The following FAT1 variants were observed in gnomAD, a reference collection of about 807,000 sequenced individuals.
FAT1 encodes the protein protocadherin Fat 1.
Under a neutral mutation model 329.8 loss-of-function variants are expected in FAT1, and 171 were observed. The observed-to-expected ratio is 0.52, with a 90% confidence interval of 0.46 to 0.59. The LOEUF is 0.59. Among genes scored for constraint, FAT1 ranks in the 20% least tolerant of loss-of-function variants. The pLI is 0.00. For missense variants in FAT1, 5,672 were observed against 5,774.4 expected (o/e 0.98, Z 0.57); for synonymous variants, 2,233 against 2,228.6 (o/e 1.00, Z -0.06).
intron 15 of FAT1, among the ~76,000 whole-genome samples, chr4:186,609,588 T>G (rs1739304221): frequency 6.6e-6 from 1 of 152,136 alleles, no homozygotes; most frequent in Admixed American, 6.5e-5. Context: ...GGCTAATTTT[T>G]TTTTGTATTT....
rs747913084 is a variant in FAT1, at chr4:186,636,125, T to C, written c.4083A>G (p.Ser1361=). 2.0e-5 allele frequency: 33 copies of C among 1,613,846 alleles called. No individual in the cohort carries two copies. In the African/African-American group the frequency reaches 4.1e-4, roughly 20 times the overall value. ...TTTCCATCACAGTAAAGGTAAAAAA[T>C]GATTCTTCAAATGAAATGGGCTCCA... The part of the protein sequence containing the change: ...PSLEPISFEE[S]FFTFTVMESD... Residue 1361 remains serine (S), a synonymous_variant, in exon 6 of 27, where the codon TCA becomes TCG. Coordinates refer to ENST00000441802, the MANE Select transcript of FAT1 (RefSeq NM_005245.4).
chr4:186,716,815 G>T (rs1264433578), intron 1 of FAT1, among the ~76,000 whole-genome samples: 3 of 152,166 alleles, frequency 2.0e-5, no homozygotes, highest in Non-Finnish European at 2.9e-5. Flanking sequence ...AGACAGTCTT[G>T]TTCTGTCACC....
At chr4:186,651,359 C>G (rs1284200652) in intron 3 of FAT1, among the ~76,000 whole-genome samples, 1 of 152,076 alleles carries the variant, frequency 6.6e-6, no homozygotes, top group Admixed American at 6.5e-5. Flanking sequence ...GATCATGGCA[C>G]AGTCCTGAGA....
chr4:186,676,772 G>C (rs769673212), intron 2 of FAT1, among the ~76,000 whole-genome samples: 68 of 152,316 alleles, frequency 4.5e-4, no homozygotes, highest in African/African-American at 1.5e-3. Flanking sequence ...TGGAGTCCTA[G>C]AATGCACACA....
chr4:186,663,094 C>T (rs1742258391), intron 3 of FAT1, among the ~76,000 whole-genome samples: 1 of 152,278 alleles, frequency 6.6e-6, no homozygotes, highest in Admixed American at 6.5e-5. Flanking sequence ...CCTCGGCCTC[C>T]CAAAGTGCTG....
At chr4:186,630,441 G>A (rs1450776109) in intron 7 of FAT1, among the ~76,000 whole-genome samples, 2 of 152,122 alleles carry the variant, frequency 1.3e-5, no homozygotes, top group East Asian at 1.9e-4. Flanking sequence ...AGTCAAATAC[G>A]CAGAGCCTCG....
At chr4:186,719,015 G>C (rs1325176135) in intron 1 of FAT1, among the ~76,000 whole-genome samples, 1 of 152,122 alleles carries the variant, frequency 6.6e-6, no homozygotes, top group East Asian at 1.9e-4. Flanking sequence ...CCAAAACAAA[G>C]AGGCAATCCA....
rs28489116 is a variant in FAT1 at position 186,621,601 on chromosome 4, T to C, written c.4985A>G (p.Asn1662Ser). The C allele has an allele frequency of 0.13, 210,742 of 1,613,866 alleles. 15,952 individuals are homozygous for C. Among genetic ancestry groups the C allele is most frequent in the East Asian group, 0.39 (17,453 of 44,868 alleles). The change falls in exon 10 of 27, where the codon AAC becomes AGC. Residue 1662 changes from asparagine to serine, a missense_variant. Coordinates refer to ENST00000441802, the MANE Select transcript of FAT1 (RefSeq NM_005245.4). ...TTTTGATGTAAACTTCGGAGAGGCG[T>C]TGTCAGCAATTGTGACAAAGATACG... The part of the protein sequence containing the change: ...SVRIFVTIAD[N>S]ASPKFTSKEY...
intron 2 of FAT1, among the ~76,000 whole-genome samples, chr4:186,693,371 A>AGGTTTTGGGATGGT (rs1272742742): frequency 2.9e-5 from 3 of 104,278 alleles, no homozygotes; most frequent in African/African-American, 4.3e-5. Context: ...CTGTGGCTGG[A>AGGTTTTGGGATGGT]TGAACGAACT....
intron 4 of FAT1, among the ~76,000 whole-genome samples, chr4:186,638,231 T>C (rs903332745): frequency 2.6e-5 from 4 of 152,226 alleles, no homozygotes; most frequent in Non-Finnish European, 5.9e-5. Context: ...CCCATCCATG[T>C]CCAAATATGA....
intron 3 of FAT1, among the ~76,000 whole-genome samples, chr4:186,656,917 AG>A (rs1741928659): frequency 6.6e-6 from 1 of 152,194 alleles, no homozygotes; most frequent in Admixed American, 6.5e-5. Flanking sequence ...CTGATTTAAA[AG>A]CAATAGCTGA....
At chr4:186,721,417 T>G (rs1057194003) in intron 1 of FAT1, among the ~76,000 whole-genome samples, 7 of 152,226 alleles carry the variant, frequency 4.6e-5, no homozygotes, top group South Asian at 2.1e-4. Context: ...AATAAGCACT[T>G]GCAAACTGAA....
chr4:186,709,732 C>A lies in FAT1; in HGVS notation c.96G>T (p.Leu32=), dbSNP rs2126706325. 1 of 1,613,874 alleles carries A rather than the reference C, an allele frequency of 6.2e-7. No individual in the cohort carries two copies. The highest frequency in any genetic ancestry group is 1.1e-5 in the South Asian group (1 of 91,036). The change falls in exon 2 of 27, where the codon CTG becomes CTT. Residue 32 remains leucine (L), a synonymous_variant. Coordinates refer to ENST00000441802, the MANE Select transcript of FAT1 (RefSeq NM_005245.4). ...DGSQRLEQTP[L]QFTHLEYNVT... ...CGTTGTACTCGAGGTGTGTAAACTG[C>A]AGAGGAGTCTGTTCAAGTCGTTGGC...
At chr4:186,638,073 A>T (rs1284079575) in intron 4 of FAT1, among the ~76,000 whole-genome samples, 1 of 150,164 alleles carries the variant, frequency 6.7e-6, no homozygotes, top group Non-Finnish European at 1.5e-5. Context: ...TTCAAGAACC[A>T]GTAGCTAGTC....
intron 16 of FAT1, among the ~76,000 whole-genome samples, chr4:186,607,911 T>A (rs867980143): frequency 1.4e-5 from 2 of 143,016 alleles, no homozygotes; most frequent in Admixed American, 6.9e-5. Flanking sequence ...GCAAGTACCA[T>A]ATCTACACTT....
intron 26 of FAT1, 76 bp downstream of exon 26, chr4:186,595,613 T>C (rs1738460964): frequency 5.3e-6 from 8 of 1,522,014 alleles, no homozygotes; most frequent in Non-Finnish European, 2.7e-6. Context: ...GGGTAGATAG[T>C]GCGTCTACAT....
intron 1 of FAT1, among the ~76,000 whole-genome samples, chr4:186,716,621 T>C (rs1170334479): frequency 6.6e-6 from 1 of 152,216 alleles, no homozygotes; most frequent in East Asian, 1.9e-4. Flanking sequence ...TTTCACCATG[T>C]TGCCCAGGCT....
chr4:186,602,377 G>C (rs1738854376), intron 20 of FAT1, among the ~76,000 whole-genome samples: 1 of 152,184 alleles, frequency 6.6e-6, no homozygotes, highest in Non-Finnish European at 1.5e-5. Flanking sequence ...GAACGCATCA[G>C]TATGTAAAGA....
At chr4:186,684,259 T>C (rs1743361082) in intron 2 of FAT1, among the ~76,000 whole-genome samples, 1 of 152,214 alleles carries the variant, frequency 6.6e-6, no homozygotes, top group Non-Finnish European at 1.5e-5. Context: ...TGTTTAATCG[T>C]CTCATCTAGA....
Sources: gnomAD v4.1 joint callset for allele counts (sites outside exome capture counted in the v4.1 genomes callset) on GRCh38, gnomAD v4.1.1 for gene constraint, MANE v1.5 for transcripts, NCBI Gene and HGNC (gene_info 2026-07-23, HGNC 2026-07-21) for gene names.